CLSTN2: variants seen among roughly 807,000 people sequenced by gnomAD.
CLSTN2 encodes calsyntenin 2.
In CLSTN2, 48 loss-of-function variants were observed where a neutral mutation model predicts 101.2. That is an observed-to-expected ratio of 0.47 (90% confidence interval 0.38 to 0.60). CLSTN2 has a LOEUF of 0.60. Among genes scored for constraint, CLSTN2 ranks in the 20% least tolerant of loss-of-function variants. The probability of loss-of-function intolerance (pLI) is 0.00; values close to 1 mark genes in which losing one functional copy is unlikely to be tolerated. For missense variants in CLSTN2, 1,160 were observed against 1,238.2 expected (o/e 0.94, Z 0.95); for synonymous variants, 481 against 463.6 (o/e 1.04, Z -0.48).
At chr3:140,328,020 G>A (rs1371555370) in intron 2 of CLSTN2, among the ~76,000 whole-genome samples, 1 of 152,126 alleles carries the variant, frequency 6.6e-6, no homozygotes, top group Non-Finnish European at 1.5e-5. Flanking sequence ...GAAGCCCATG[G>A]GAATCACAAG....
chr3:140,387,875 T>G (rs935525989), intron 2 of CLSTN2, among the ~76,000 whole-genome samples: 4 of 152,234 alleles, frequency 2.6e-5, no homozygotes, highest in Non-Finnish European at 2.9e-5. Flanking sequence ...ATGGAATGGT[T>G]GAATGATTCA....
At chr3:140,533,710 C>CAAAAAAAAAAAAAAAAAAA (rs71627883) in intron 9 of CLSTN2, among the ~76,000 whole-genome samples, 1 of 58,874 alleles carries the variant, frequency 1.7e-5, no homozygotes, top group Non-Finnish European at 4.1e-5. Flanking sequence ...GACTCCATCT[C>CAAAAAAAAAAAAAAAAAAA]AAAAAAAAAA....
chr3:140,565,055 T>C (rs1936001983), intron 16 of CLSTN2, among the ~76,000 whole-genome samples: 1 of 152,198 alleles, frequency 6.6e-6, no homozygotes, highest in South Asian at 2.1e-4. Flanking sequence ...CTGAGCTCAG[T>C]GCTATACAGA....
At chr3:139,970,828 GT>G (rs1935685666) in intron 1 of CLSTN2, among the ~76,000 whole-genome samples, 1 of 152,186 alleles carries the variant, frequency 6.6e-6, no homozygotes, top group Admixed American at 6.5e-5. Flanking sequence ...GGTGAAAACT[GT>G]AGAAATAGTT....
At chr3:140,489,721 T>C (rs1053269901) in intron 8 of CLSTN2, among the ~76,000 whole-genome samples, 2 of 152,064 alleles carry the variant, frequency 1.3e-5, no homozygotes, top group South Asian at 2.1e-4. Flanking sequence ...TGTAGGCAGA[T>C]AAATTGTTCA....
intron 8 of CLSTN2, among the ~76,000 whole-genome samples, chr3:140,491,127 C>A (rs928067883): frequency 1.3e-5 from 2 of 152,130 alleles, no homozygotes; most frequent in Admixed American, 6.5e-5. Flanking sequence ...ATATGACAAC[C>A]AAATCAAGTG....
chr3:140,247,677 A>AGGGGGTCACATTTGAGTGAGAG (rs1281073731), intron 2 of CLSTN2, among the ~76,000 whole-genome samples: 1 of 152,108 alleles, frequency 6.6e-6, no homozygotes, highest in Admixed American at 6.6e-5. Context: ...TTGAGTGAGA[A>AGGGGGTCACATTTGAGTGAGAG]AGGCGGCCAT....
intron 1 of CLSTN2, among the ~76,000 whole-genome samples, chr3:140,078,166 A>T (rs1214346277): frequency 6.6e-6 from 1 of 152,066 alleles, no homozygotes; most frequent in Non-Finnish European, 1.5e-5. Flanking sequence ...CCTCTTTTGG[A>T]TCAATGTCAG....
intron 1 of CLSTN2, among the ~76,000 whole-genome samples, chr3:139,965,379 G>T (rs1935577085): frequency 6.6e-6 from 1 of 152,156 alleles, no homozygotes; most frequent in South Asian, 2.1e-4. Context: ...TGGTTCCTGA[G>T]CAGCTCTGGA....
chr3:140,233,990 A>G (rs6809745), intron 2 of CLSTN2, among the ~76,000 whole-genome samples: 151,715 of 152,334 alleles, frequency 1, 75,552 homozygotes, highest in East Asian at 1. Flanking sequence ...TCATGACAGA[A>G]ACCATATGGC....
At chr3:140,469,895 C>G (rs1933795583) in intron 8 of CLSTN2, among the ~76,000 whole-genome samples, 1 of 152,134 alleles carries the variant, frequency 6.6e-6, no homozygotes, top group Non-Finnish European at 1.5e-5. Flanking sequence ...TCTTTAGACT[C>G]ATTTTATTGA....
At chr3:140,369,811 A>G (rs1441993860) in intron 2 of CLSTN2, among the ~76,000 whole-genome samples, 1 of 152,180 alleles carries the variant, frequency 6.6e-6, no homozygotes, top group Non-Finnish European at 1.5e-5. Flanking sequence ...ACTGTGGAGA[A>G]TCATATCTAT....
rs75355156 is a variant in CLSTN2 at position 139,936,157 on chromosome 3, T to C, written c.109+674T>C. 6.0e-4 allele frequency among the ~76,000 whole-genome samples: 92 copies of C among 152,310 alleles called. No homozygotes were observed. In the East Asian group the frequency reaches 0.017, roughly 28 times the overall value. On this transcript the variant is annotated intron_variant, in intron 1 of 16. Transcript: ENST00000458420. Reference sequence around the variant, plus strand: ...TGCCCACCCTGTTCCTTTGAAGAGCTTGACCTCCCCGCGCCTCCCGCCCGG... The same window carrying C: ...TGCCCACCCTGTTCCTTTGAAGAGCCTGACCTCCCCGCGCCTCCCGCCCGG...
chr3:140,143,833 G>C (rs1049598709), intron 1 of CLSTN2, among the ~76,000 whole-genome samples: 1 of 152,242 alleles, frequency 6.6e-6, no homozygotes, highest in Non-Finnish European at 1.5e-5. Flanking sequence ...CAGGGAAGGC[G>C]TGTGGAGGGT....
At chr3:140,516,550 AT>A (rs111255841) in intron 8 of CLSTN2, among the ~76,000 whole-genome samples, 2,430 of 142,748 alleles carry the variant, frequency 0.017, 65 homozygotes, top group African/African-American at 0.052. Context: ...TTCTTTTGGC[AT>A]TTTTTTTTTT....
At chr3:140,527,078 G>A (rs985677705) in intron 8 of CLSTN2, among the ~76,000 whole-genome samples, 1 of 152,106 alleles carries the variant, frequency 6.6e-6, no homozygotes, top group Non-Finnish European at 1.5e-5. Flanking sequence ...AACAAAAATT[G>A]ACAAGTGGGA....
At chr3:140,417,524 C>A (rs898074420) in intron 4 of CLSTN2, among the ~76,000 whole-genome samples, 5 of 152,028 alleles carry the variant, frequency 3.3e-5, no homozygotes, top group Admixed American at 2.0e-4. Flanking sequence ...TCTGTTTTAT[C>A]CCCTCAGCCC....
chr3:140,377,388 A>G (rs2087928972), intron 2 of CLSTN2, among the ~76,000 whole-genome samples: 1 of 152,228 alleles, frequency 6.6e-6, no homozygotes, highest in Non-Finnish European at 1.5e-5. Flanking sequence ...GTAAAACAGC[A>G]TCAGACAAGT....
chr3:140,226,969 T>C (rs2086327263), intron 2 of CLSTN2, among the ~76,000 whole-genome samples: 1 of 152,158 alleles, frequency 6.6e-6, no homozygotes, highest in Admixed American at 6.5e-5. Context: ...CTCATGATAC[T>C]TGGGAATTCA....
Sources: gnomAD v4.1 joint callset for allele counts (sites outside exome capture counted in the v4.1 genomes callset) on GRCh38, gnomAD v4.1.1 for gene constraint, MANE v1.5 for transcripts, NCBI Gene and HGNC (gene_info 2026-07-23, HGNC 2026-07-21) for gene names.